Variants in SDHB observed in about 807,000 individuals in gnomAD.
SDHB encodes succinate dehydrogenase complex iron sulfur subunit B, also known as succinate dehydrogenase [ubiquinone] iron-sulfur subunit, mitochondrial.
Under a neutral mutation model 39.7 loss-of-function variants are expected in SDHB, and 21 were observed. The ratio of observed to expected loss-of-function variants is 0.53; its 90% CI spans 0.37 to 0.76. SDHB has a LOEUF of 0.76. SDHB is among the 30% of genes least tolerant of loss of function. The pLI is 0.00. For synonymous variants in SDHB, 118 were observed against 117.0 expected, an observed-to-expected ratio of 1.01 and a Z score of -0.06; for missense variants, 343 against 350.9, an observed-to-expected ratio of 0.98 and a Z score of 0.18.
At chr1:17,050,188 T>A (rs1180623815) in intron 1 of SDHB, among the ~76,000 whole-genome samples, 2 of 152,202 alleles carry the variant, frequency 1.3e-5, no homozygotes, top group African/African-American at 4.8e-5. Flanking sequence ...CTAATTTAAA[T>A]TTTTAAAAAG....
At chr1:17,024,988 G>A (rs1429710351) in intron 5 of SDHB, among the ~76,000 whole-genome samples, 2 of 152,258 alleles carry the variant, frequency 1.3e-5, no homozygotes, top group Non-Finnish European at 1.5e-5. Flanking sequence ...TGGTCTAGAA[G>A]GCATAAGGTC....
intron 2 of SDHB, among the ~76,000 whole-genome samples, chr1:17,036,153 G>A (rs1433895026): frequency 6.6e-6 from 1 of 152,094 alleles, no homozygotes; most frequent in African/African-American, 2.4e-5. Context: ...GATTTTGATG[G>A]GGATTGCAAT....
chr1:17,050,016 G>C (rs6700594), intron 1 of SDHB, among the ~76,000 whole-genome samples: 63,919 of 151,830 alleles, frequency 0.42, 15,098 homozygotes, highest in Non-Finnish European at 0.54. Context: ...CTATCAAGCT[G>C]GGTATCAGAA....
At chr1:17,022,867 C>A (rs2077969883) in intron 6 of SDHB, 137 bp from the exon 7 acceptor site, 13 of 1,086,810 alleles carry the variant, frequency 1.2e-5, no homozygotes, top group Non-Finnish European at 1.7e-5. Flanking sequence ...CTCTTTAATT[C>A]TTGTCCATCT....
At position 17,032,791 on chromosome 1, in the gene SDHB, C is replaced by T. The variant is rs527712883; in HGVS notation, c.286+269G>A. On this transcript the variant is annotated intron_variant, in intron 3 of 7. Transcript: ENST00000375499. ...TGCCAGCCAGCAGGTCCTAGCTAGG[C>T]CTTGAAGCGTGGAGCAGCTCACAGG... 7.8e-5 allele frequency: 40 copies of T among 509,608 alleles called. No homozygotes were observed. In the East Asian group the frequency reaches 1.4e-3, roughly 18 times the overall value. The allele number at this position is 509,608 out of a possible 1,614,324, so 31.6% of individuals were successfully genotyped here.
At chr1:17,025,476 C>T (rs1274232923) in intron 5 of SDHB, among the ~76,000 whole-genome samples, 1 of 149,366 alleles carries the variant, frequency 6.7e-6, no homozygotes, top group Admixed American at 6.7e-5. Context: ...GTGGCACAAT[C>T]ACAGTTCACT....
intron 2 of SDHB, among the ~76,000 whole-genome samples, chr1:17,036,878 T>C (rs1188993872): frequency 1.3e-5 from 2 of 151,010 alleles, no homozygotes; most frequent in African/African-American, 4.9e-5. Context: ...GTCTCAAAAC[T>C]CCTGGCCTCA....
intron 1 of SDHB, chr1:17,052,197 C>T (rs2101549744): frequency 6.6e-6 from 1 of 152,186 alleles, no homozygotes; most frequent in Non-Finnish European, 1.5e-5. Flanking sequence ...GTTCATAGTC[C>T]AGATGAAGAA....
intron 7 of SDHB, among the ~76,000 whole-genome samples, chr1:17,020,683 T>G (rs1394316944): frequency 6.6e-6 from 1 of 152,088 alleles, no homozygotes; most frequent in Admixed American, 6.6e-5. Context: ...TAACATAAGG[T>G]GACATTTATT....
chr1:17,028,072 C>T (rs868116951), intron 4 of SDHB, among the ~76,000 whole-genome samples: 8 of 152,206 alleles, frequency 5.3e-5, no homozygotes, highest in Non-Finnish European at 1.2e-4. Context: ...TAGGAAACCT[C>T]TCCCTCACCT....
rs1570963474 is a variant in SDHB at position 17,053,972 on chromosome 1, T to G, written c.48A>C (p.Thr16=). 5.6e-6 allele frequency: 9 copies of G among 1,613,214 alleles called. No homozygotes were observed. The Middle Eastern group carries it at 1.5e-3, about 266-fold the overall frequency. The change falls in exon 1 of 8, where the codon ACA becomes ACC. Residue 16 remains threonine (T), a synonymous_variant. Coordinates refer to ENST00000375499, the MANE Select transcript of SDHB (RefSeq NM_003000.3). ...CCTGCAGGCAGGCTCCGCCAAGGGTTGTGGCCGGCAACCGGCGCCTCAAGG... is the reference window on the plus strand; with the variant it reads ...CCTGCAGGCAGGCTCCGCCAAGGGTGGTGGCCGGCAACCGGCGCCTCAAGG... ...ALSLRRRLPA[T]TLGGACLQAS... is the part of the protein sequence containing the mutation.
At chr1:17,030,909 G>A (rs1351321527) in intron 3 of SDHB, among the ~76,000 whole-genome samples, 3 of 151,074 alleles carry the variant, frequency 2.0e-5, no homozygotes, top group Middle Eastern at 3.5e-3. Context: ...CTCGAACTCT[G>A]ACCTTGTGAT....
intron 7 of SDHB, 23 bp from the exon 8 acceptor site, chr1:17,018,981 A>G: frequency 6.4e-7 from 1 of 1,561,356 alleles, no homozygotes; most frequent in East Asian, 2.2e-5. Context: ...GAAAAGAATC[A>G]ATAACAAATG....
At position 17,026,781 on chromosome 1, in the gene SDHB, T is replaced by C. The variant is rs142650894; in HGVS notation, c.540+968A>G. 2.7e-3 allele frequency among the ~76,000 whole-genome samples: 415 copies of C among 152,240 alleles called. 2 individuals are homozygous for C. Among genetic ancestry groups the C allele is most frequent in the Middle Eastern group, 0.01 (3 of 294 alleles). On this transcript the variant is annotated intron_variant, in intron 5 of 7. Coordinates refer to ENST00000375499, the MANE Select transcript of SDHB (RefSeq NM_003000.3). ...AACTGATACTTTTCATATATTCACA[T>C]ATATGTATATGTTTTAGAGACAAAA...
At chr1:17,019,749 T>A (rs971530125) in intron 7 of SDHB, among the ~76,000 whole-genome samples, 8 of 152,036 alleles carry the variant, frequency 5.3e-5, no homozygotes, top group Admixed American at 1.3e-4. Flanking sequence ...AAAGAAAAAA[T>A]ATATATTTTT....
At chr1:17,023,191 C>T (rs74669384) in intron 6 of SDHB, 37 of 285,866 alleles carry the variant, frequency 1.3e-4, no homozygotes, top group African/African-American at 2.8e-4. Flanking sequence ...ACTTACACAG[C>T]GCTCTCAGCA....
intron 2 of SDHB, among the ~76,000 whole-genome samples, chr1:17,034,081 T>G (rs2078036881): frequency 6.6e-6 from 1 of 152,218 alleles, no homozygotes. Flanking sequence ...ACTCACTAAT[T>G]TTCTATGCAT....
Position 17,033,145 on chromosome 1 carries a change from T to C in SDHB, c.201A>G (p.Lys67=), listed in dbSNP as rs1436421650. 3 of 1,608,656 alleles carry C rather than the reference T, an allele frequency of 1.9e-6. No individual in the cohort carries two copies. The highest frequency in any genetic ancestry group is 2.6e-6 in the Non-Finnish European group (3 of 1,175,166). Residue 67 remains lysine (K), a splice_region_variant and synonymous_variant, in exon 3 of 8, where the codon AAA becomes AAG. Coordinates refer to ENST00000375499, the MANE Select transcript of SDHB (RefSeq NM_003000.3). ...AAGCATCCAATACCATGGGGCCACATCTAACAAAGAAAAATATCCAGTGGT... is the reference window on the plus strand; with the variant it reads ...AAGCATCCAATACCATGGGGCCACACCTAACAAAGAAAAATATCCAGTGGT... ...HMQTYEVDLN[K]CGPMVLDALI... is the part of the protein sequence containing the mutation.
chr1:17,022,996 A>C, intron 6 of SDHB: 1 of 424,242 alleles, frequency 2.4e-6, no homozygotes, highest in Non-Finnish European at 4.5e-6. Context: ...ATCATCTCCT[A>C]ATTATTTCAC....
Sources: allele counts gnomAD v4.1 joint callset (sites outside exome capture counted in the v4.1 genomes callset), GRCh38; gene constraint gnomAD v4.1.1; transcripts MANE v1.5; gene names NCBI Gene and HGNC (gene_info 2026-07-23, HGNC 2026-07-21).